Variants in KIAA1549L observed in about 807,000 individuals in gnomAD.
KIAA1549L encodes KIAA1549 like.
KIAA1549L carries 88 observed loss-of-function variants against 160.7 expected under a neutral mutation model. The observed-to-expected ratio is 0.55, with a 90% CI of 0.46 to 0.65. KIAA1549L has a LOEUF of 0.65. KIAA1549L is among the 30% of genes least tolerant of loss of function. The pLI is 0.00. For synonymous variants in KIAA1549L, 950 were observed against 976.7 expected, an observed-to-expected ratio of 0.97 and a Z score of 0.51; for missense variants, 2,258 against 2,437.5, an observed-to-expected ratio of 0.93 and a Z score of 1.55.
intron 6 of KIAA1549L, among the ~76,000 whole-genome samples, chr11:33,553,287 A>G (rs771857950): frequency 4.2e-5 from 6 of 143,478 alleles, no homozygotes; most frequent in Non-Finnish European, 7.5e-5. Flanking sequence ...GGCATGAACC[A>G]CCACACCTGG....
chr11:33,551,306 G>C, intron 5 of KIAA1549L, 47 bp downstream of exon 5: 1 of 1,524,862 alleles, frequency 6.6e-7, no homozygotes, highest in Non-Finnish European at 9.0e-7. Flanking sequence ...TTGGGTTCAG[G>C]GCCAGTACCA....
intron 1 of KIAA1549L, among the ~76,000 whole-genome samples, chr11:33,396,101 A>T (rs915859428): frequency 9.2e-5 from 14 of 152,112 alleles, no homozygotes; most frequent in African/African-American, 3.4e-4. Context: ...GCTAGTTATT[A>T]TGGGACCAGA....
At chr11:33,639,678 C>A (rs1318278101) in intron 16 of KIAA1549L, among the ~76,000 whole-genome samples, 1 of 152,122 alleles carries the variant, frequency 6.6e-6, no homozygotes, top group Non-Finnish European at 1.5e-5. Context: ...TAGCTGGGAT[C>A]ACAGGCGCGC....
chr11:33,410,410 C>T (rs2615947), intron 1 of KIAA1549L, among the ~76,000 whole-genome samples: 111,765 of 152,074 alleles, frequency 0.73, 41,095 homozygotes, highest in African/African-American at 0.77. Flanking sequence ...GTCTAGGCAG[C>T]GCCTAGAAAA....
rs937020655 is a variant in KIAA1549L, at chr11:33,542,365, C to G, written c.802C>G (p.Pro268Ala). ...SIISEPAEQSPKVLLVPQTAP... is the reference protein window; with the variant it reads ...SIISEPAEQSAKVLLVPQTAP... Reference sequence around the variant, plus strand: ...CATCTCTGAGCCAGCAGAGCAATCCCCCAAAGTGCTGTTAGTTCCCCAAAC... The same window carrying G: ...CATCTCTGAGCCAGCAGAGCAATCCGCCAAAGTGCTGTTAGTTCCCCAAAC... The change falls in exon 2 of 21, where the codon CCC (proline) becomes GCC (alanine). Residue 268 changes from proline (P) to alanine (A), a missense_variant. Coordinates refer to ENST00000658780, the MANE Select transcript of KIAA1549L (RefSeq NM_012194.3). 23 of 992,184 alleles carry G rather than the reference C, an allele frequency of 2.3e-5. No individual in the cohort carries two copies. Among genetic ancestry groups the G allele is most frequent in the Non-Finnish European group, 3.0e-5 (20 of 667,644 alleles). 61.5% of individuals were successfully genotyped at this position (992,184 alleles called of 1,614,324 possible).
intron 6 of KIAA1549L, among the ~76,000 whole-genome samples, chr11:33,557,032 G>A (rs1590341139): frequency 6.6e-6 from 1 of 152,198 alleles, no homozygotes; most frequent in East Asian, 1.9e-4. Flanking sequence ...TTGTCTCCCA[G>A]GCTGGGGTGC....
At position 33,592,999 on chromosome 11, in the gene KIAA1549L, T is replaced by C. The variant is rs564110722; in HGVS notation, c.4751+1578T>C. 1.5e-4 allele frequency among the ~76,000 whole-genome samples: 23 copies of C among 152,174 alleles called. 1 individual carries two copies. The East Asian group carries it at 4.4e-3, about 29-fold the overall frequency. On this transcript the variant is annotated intron_variant, in intron 12 of 20. Coordinates refer to ENST00000658780, the MANE Select transcript of KIAA1549L (RefSeq NM_012194.3). ...TAGGGAGGAAGTGGTGGCAGATGAGTCTGGCAAGTTGCTGGAGGTTGATTA... is the reference window on the plus strand; with the variant it reads ...TAGGGAGGAAGTGGTGGCAGATGAGCCTGGCAAGTTGCTGGAGGTTGATTA...
rs750653827 is a variant in KIAA1549L at position 33,542,795 on chromosome 11, C to T, written c.1232C>T (p.Thr411Ile). 6 of 1,613,712 alleles carry T rather than the reference C, an allele frequency of 3.7e-6. No individual in the cohort carries two copies. In the East Asian group the frequency reaches 1.3e-4, roughly 36 times the overall value. The change falls in exon 2 of 21, where the codon ACA becomes ATA. Residue 411 changes from threonine to isoleucine, a missense_variant. Coordinates refer to ENST00000658780, the MANE Select transcript of KIAA1549L (RefSeq NM_012194.3). ...TTGCCAACTTTTAAGAATACAGAAA[C>T]AGCGACCCATGAGGCTGAGCCTCCA... ...VSLPTFKNTE[T>I]ATHEAEPPLF...
At chr11:33,536,760 G>T (rs1055038718) in intron 1 of KIAA1549L, among the ~76,000 whole-genome samples, 9 of 152,110 alleles carry the variant, frequency 5.9e-5, no homozygotes, top group African/African-American at 2.2e-4. Context: ...GAATTGAAAG[G>T]GACCATAAAG....
chr11:33,511,069 C>T (rs955194236), intron 1 of KIAA1549L, among the ~76,000 whole-genome samples: 1 of 152,204 alleles, frequency 6.6e-6, no homozygotes, highest in Non-Finnish European at 1.5e-5. Flanking sequence ...TCCATGGCGT[C>T]AGTACAGCTA....
rs1178288261 is a variant in KIAA1549L, at chr11:33,435,818, G to GTATATA, written c.238+58937_238+58942dup. The stretch of plus-strand genomic sequence containing the variant: ...TATATATATATATATATATGTGTGT[G>GTATATA]TATATATATATATGTATATGTATAT... On this transcript the variant is annotated intron_variant, in intron 1 of 20. Coordinates refer to ENST00000658780, the MANE Select transcript of KIAA1549L (RefSeq NM_012194.3). Among the ~76,000 whole-genome samples the GTATATA allele has an allele frequency of 5.3e-4, 24 of 45,312 alleles. No homozygotes were observed. The South Asian group carries it at 0.011, about 21-fold the overall frequency. 29.7% of individuals were successfully genotyped at this position (45,312 alleles called of 152,430 possible).
chr11:33,601,114 G>A (rs1036613793), intron 13 of KIAA1549L, among the ~76,000 whole-genome samples: 7 of 152,140 alleles, frequency 4.6e-5, no homozygotes, highest in Non-Finnish European at 8.8e-5. Flanking sequence ...CAGTTACTAT[G>A]CCAGGTTGAG....
At chr11:33,495,058 C>G (rs1852782463) in intron 1 of KIAA1549L, among the ~76,000 whole-genome samples, 1 of 152,072 alleles carries the variant, frequency 6.6e-6, no homozygotes, top group Admixed American at 6.6e-5. Flanking sequence ...TTTCAGAGAT[C>G]AGAAGTTAGA....
chr11:33,614,547 TATATATATATATATATATATATA>T lies in KIAA1549L; in HGVS notation c.5280-3985_5280-3963del, dbSNP rs1850735228. 2.5e-4 allele frequency among the ~76,000 whole-genome samples: 3 copies of T among 11,776 alleles called. 1 individual carries two copies. The highest frequency in any genetic ancestry group is 9.3e-4 in the African/African-American group (3 of 3,222). 7.7% of individuals were successfully genotyped at this position (11,776 alleles called of 152,430 possible). A position where few individuals can be genotyped will look rare whatever the true frequency, so the allele number is the denominator to read the frequency against. ...GTGTAACAAGATATATATATATATATATATATATATATATATATATATATATATATATATATATTTTTTTTTTT... is the reference window on the plus strand; with the variant it reads ...GTGTAACAAGATATATATATATATATTATATATATATATATTTTTTTTTTT... On this transcript the variant is annotated intron_variant, in intron 15 of 20. Coordinates refer to ENST00000658780, the MANE Select transcript of KIAA1549L (RefSeq NM_012194.3).
At chr11:33,458,450 A>C (rs1262147984) in intron 1 of KIAA1549L, among the ~76,000 whole-genome samples, 1 of 152,232 alleles carries the variant, frequency 6.6e-6, no homozygotes, top group Non-Finnish European at 1.5e-5. Flanking sequence ...GCAGCTCTAG[A>C]TTAAATAGAA....
intron 1 of KIAA1549L, among the ~76,000 whole-genome samples, chr11:33,501,068 A>G (rs1245511134): frequency 6.6e-6 from 1 of 152,148 alleles, no homozygotes; most frequent in Admixed American, 6.5e-5. Flanking sequence ...ATCACTGCCC[A>G]TCTTCTTCCA....
intron 1 of KIAA1549L, among the ~76,000 whole-genome samples, chr11:33,424,686 C>T (rs114112457): frequency 0.011 from 1,722 of 152,082 alleles, 33 homozygotes; most frequent in African/African-American, 0.039. Flanking sequence ...TTTGAGTCCC[C>T]TCATACATGC....
intron 1 of KIAA1549L, among the ~76,000 whole-genome samples, chr11:33,527,997 G>C (rs1424903876): frequency 6.6e-6 from 1 of 152,112 alleles, no homozygotes; most frequent in African/African-American, 2.4e-5. Context: ...CACGAAATCT[G>C]ATGGTTTTAT....
chr11:33,507,891 T>C (rs933556532), intron 1 of KIAA1549L, among the ~76,000 whole-genome samples: 7 of 152,194 alleles, frequency 4.6e-5, no homozygotes, highest in African/African-American at 1.7e-4. Flanking sequence ...TTATTATACG[T>C]GTTAGTACTA....
Sources: gnomAD v4.1 joint callset for allele counts (sites outside exome capture counted in the v4.1 genomes callset) on GRCh38, gnomAD v4.1.1 for gene constraint, MANE v1.5 for transcripts, NCBI Gene and HGNC (gene_info 2026-07-23, HGNC 2026-07-21) for gene names.